The following FAT3 variants were observed in gnomAD, a reference collection of about 807,000 sequenced individuals.
FAT3 encodes the protein protocadherin Fat 3.
In FAT3, 95 loss-of-function variants were observed where a neutral mutation model predicts 310.2. That is an observed-to-expected ratio of 0.31 (90% CI 0.26 to 0.36). The LOEUF (loss-of-function observed/expected upper bound fraction) is 0.36. Among genes scored for constraint, FAT3 ranks in the 10% least tolerant of loss-of-function variants. The probability of loss-of-function intolerance (pLI) is 1.00; values close to 1 mark genes in which losing one functional copy is unlikely to be tolerated. For missense variants in FAT3, 5,408 were observed against 5,715.6 expected (o/e 0.95, Z 1.74); for synonymous variants, 2,314 against 2,192.9 (o/e 1.06, Z -1.54).
At chr11:92,313,158 C>G (rs1289157019) in intron 1 of FAT3, among the ~76,000 whole-genome samples, 1 of 152,168 alleles carries the variant, frequency 6.6e-6, no homozygotes, top group Non-Finnish European at 1.5e-5. Context: ...AAAACAAATG[C>G]TGTATTTGCT....
chr11:92,418,493 T>C (rs1212827989), intron 2 of FAT3, among the ~76,000 whole-genome samples: 1 of 120,434 alleles, frequency 8.3e-6, no homozygotes, highest in Non-Finnish European at 1.6e-5. Context: ...TCGATTAGAC[T>C]CTGTGCCTTG....
intron 2 of FAT3, among the ~76,000 whole-genome samples, chr11:92,370,480 A>G (rs746172812): frequency 6.6e-6 from 1 of 152,210 alleles, no homozygotes; most frequent in Non-Finnish European, 1.5e-5. Context: ...TCTCCCCGAT[A>G]CTGGGTAGAG....
intron 3 of FAT3, among the ~76,000 whole-genome samples, chr11:92,602,671 T>A (rs187962156): frequency 1.3e-5 from 2 of 152,364 alleles, no homozygotes; most frequent in Admixed American, 1.3e-4. Flanking sequence ...ATGATCCACC[T>A]ACTCAGTGCT....
intron 21 of FAT3, 132 bp from the exon 22 acceptor site, chr11:92,866,609 T>C (rs78500260): frequency 3.9e-5 from 30 of 768,972 alleles, no homozygotes; most frequent in Non-Finnish European, 5.7e-5. Context: ...ACAACAGATT[T>C]ATGAGTAGAG....
At chr11:92,591,471 G>C (rs563512987) in intron 3 of FAT3, among the ~76,000 whole-genome samples, 2 of 152,300 alleles carry the variant, frequency 1.3e-5, no homozygotes, top group East Asian at 3.9e-4. Context: ...AATCCAAAGA[G>C]TATATTAGTT....
chr11:92,385,481 C>A (rs558208708), intron 2 of FAT3, among the ~76,000 whole-genome samples: 1 of 152,202 alleles, frequency 6.6e-6, no homozygotes, highest in Non-Finnish European at 1.5e-5. Flanking sequence ...GATTCTCGTG[C>A]CTCAGCCTCC....
intron 2 of FAT3, among the ~76,000 whole-genome samples, chr11:92,522,934 A>C (rs922024487): frequency 9.2e-5 from 14 of 152,120 alleles, no homozygotes; most frequent in African/African-American, 3.1e-4. Flanking sequence ...TATGGGCCCT[A>C]TGAGGCATAA....
rs1278847963 is a variant in FAT3, at chr11:92,420,808, CT to C, written c.3292+65405del. 1.2e-4 allele frequency among the ~76,000 whole-genome samples: 19 copies of C among 152,236 alleles called. No individual in the cohort carries two copies. In the East Asian group the frequency reaches 3.1e-3, roughly 25 times the overall value. ...AAGGAACACTTGATTCCCAATTATA[CT>C]ATTTTTCCTTTTTATCAAATTGCTA... On this transcript the variant is annotated intron_variant, in intron 2 of 27. Coordinates refer to ENST00000525166, the MANE Select transcript of FAT3 (RefSeq NM_001367949.2).
At chr11:92,324,993 C>A (rs1026656147) in intron 1 of FAT3, among the ~76,000 whole-genome samples, 1 of 152,178 alleles carries the variant, frequency 6.6e-6, no homozygotes, top group Non-Finnish European at 1.5e-5. Context: ...GAACCAGGAC[C>A]TTTAATCTGA....
intron 22 of FAT3, among the ~76,000 whole-genome samples, chr11:92,879,880 C>G (rs1328575900): frequency 6.6e-6 from 1 of 151,872 alleles, no homozygotes; most frequent in Admixed American, 6.6e-5. Context: ...TGCTAGTGGA[C>G]AAAATAAAAC....
intron 4 of FAT3, among the ~76,000 whole-genome samples, chr11:92,714,024 ACT>A (rs10681930): frequency 1.3e-5 from 2 of 151,758 alleles, no homozygotes; most frequent in Non-Finnish European, 2.9e-5. Flanking sequence ...AAAAGAGGAG[ACT>A]CTCTAACAAG....
chr11:92,480,463 C>A (rs1952191572), intron 2 of FAT3, among the ~76,000 whole-genome samples: 1 of 152,128 alleles, frequency 6.6e-6, no homozygotes, highest in Admixed American at 6.5e-5. Flanking sequence ...TCTCCCAGTA[C>A]CACAACTGCA....
chr11:92,725,631 A>G (rs1397057262), intron 4 of FAT3, among the ~76,000 whole-genome samples: 1 of 152,208 alleles, frequency 6.6e-6, no homozygotes, highest in East Asian at 1.9e-4. Flanking sequence ...GCATCTTAAA[A>G]GACACCTTAA....
At position 92,800,155 on chromosome 11, in the gene FAT3, A is replaced by G; in HGVS notation, c.7142A>G (p.His2381Arg). 1.2e-6 allele frequency: 2 copies of G among 1,613,982 alleles called. No homozygotes were observed. Among genetic ancestry groups the G allele is most frequent in the Non-Finnish European group, 1.7e-6 (2 of 1,179,868 alleles). Residue 2381 changes from histidine (H) to arginine (R), a missense_variant, in exon 10 of 28, where the codon CAT becomes CGT. This residue lies in a region of FAT3 where 4,588 missense variants were observed against 4,809.8 expected (regional missense o/e 0.95). Transcript: ENST00000525166. Reference protein sequence around the residue: ...FPSLSSEVLVHIYISDVNDNP... With the variant: ...FPSLSSEVLVRIYISDVNDNP... ...TCACTGAGCAGTGAGGTTCTCGTTC[A>G]TATCTACATCTCTGATGTAAATGAC...
chr11:92,289,541 A>C (rs375719533), intron 1 of FAT3, among the ~76,000 whole-genome samples: 1 of 149,172 alleles, frequency 6.7e-6, no homozygotes, highest in Non-Finnish European at 1.5e-5. Context: ...ACACACATAT[A>C]TATGTGCACA....
chr11:92,635,926 T>A lies in FAT3; in HGVS notation c.3608-61458T>A, dbSNP rs186372734. On this transcript the variant is annotated intron_variant, in intron 3 of 27. Coordinates refer to ENST00000525166, the MANE Select transcript of FAT3 (RefSeq NM_001367949.2). ...AAGTATTAGAAATAGATGTAAGCAGTTCCTACAAGGTCTTCTTTTTTGTTT... is the reference window on the plus strand; with the variant it reads ...AAGTATTAGAAATAGATGTAAGCAGATCCTACAAGGTCTTCTTTTTTGTTT... Among the ~76,000 whole-genome samples the A allele has an allele frequency of 5.2e-3, 797 of 152,272 alleles. 2 individuals are homozygous for A. The highest frequency in any genetic ancestry group is 8.6e-3 in the Non-Finnish European group (587 of 68,020).
In FAT3 at chr11:92,874,609, G is replaced by A. The variant is rs145826797; in HGVS notation, c.12128-6122G>A. ...GGCTGAAGTGCAATGGCGTGATCTC[G>A]GCTCACCACAACCTCCGCCTCCTGG... is the stretch of plus-strand genomic sequence containing the variant. On this transcript the variant is annotated intron_variant, in intron 22 of 27. Coordinates refer to ENST00000525166, the MANE Select transcript of FAT3 (RefSeq NM_001367949.2). 7.4e-4 allele frequency among the ~76,000 whole-genome samples: 113 copies of A among 152,260 alleles called. 1 individual carries two copies. The highest frequency in any genetic ancestry group is 9.6e-4 in the Non-Finnish European group (65 of 68,030).
chr11:92,546,266 C>T (rs767623033), intron 3 of FAT3, among the ~76,000 whole-genome samples: 9 of 152,072 alleles, frequency 5.9e-5, no homozygotes, highest in East Asian at 1.9e-4. Context: ...TTTAAGGGAA[C>T]GTAAAGGATT....
intron 1 of FAT3, among the ~76,000 whole-genome samples, chr11:92,344,176 CA>C (rs1948348254): frequency 6.6e-6 from 1 of 152,156 alleles, no homozygotes; most frequent in Admixed American, 6.5e-5. Flanking sequence ...TCCATGGTTT[CA>C]CTTCCCAATG....
Sources: gnomAD v4.1 joint callset for allele counts (sites outside exome capture counted in the v4.1 genomes callset) on GRCh38, gnomAD v4.1.1 for gene constraint, gnomAD v4.1.1 regional missense constraint, MANE v1.5 for transcripts, NCBI Gene and HGNC (gene_info 2026-07-23, HGNC 2026-07-21) for gene names.